SLCO1A2: variants seen among roughly 807,000 people sequenced by gnomAD.
SLCO1A2 encodes solute carrier organic anion transporter family member 1A2, also known as OATP-1.
SLCO1A2 carries 67 observed loss-of-function variants against 69.0 expected under a neutral mutation model. The ratio of observed to expected loss-of-function variants is 0.97; its 90% CI spans 0.80 to 1.19. SLCO1A2 has a LOEUF of 1.19. Ranked by LOEUF, SLCO1A2 falls within the 50% of genes most tolerant of loss-of-function variation. SLCO1A2 has a pLI of 0.00. For synonymous variants in SLCO1A2, 260 were observed against 265.9 expected (o/e 0.98, Z 0.22); for missense variants, 787 against 793.7 (o/e 0.99, Z 0.10).
chr12:21,338,601 A>C (rs957797339), upstream of SLCO1A2, among the ~76,000 whole-genome samples: 2 of 151,902 alleles, frequency 1.3e-5, no homozygotes, highest in Non-Finnish European at 2.9e-5. Context: ...TAGTCCCTTA[A>C]TGAAATCTTT....
At chr12:21,277,003 G>A (rs1002343046) in intron 12 of SLCO1A2, among the ~76,000 whole-genome samples, 2 of 152,192 alleles carry the variant, frequency 1.3e-5, no homozygotes, top group Non-Finnish European at 1.5e-5. Context: ...TTCTAGTGCT[G>A]AGCTGGGCTC....
chr12:21,419,262 G>C (rs1329843797), upstream of SLCO1A2: 2 of 158,076 alleles, frequency 1.3e-5, no homozygotes, highest in East Asian at 3.8e-4. Context: ...CTCCCAGCGT[G>C]AGCGACGCAG....
At chr12:21,280,427 C>T (rs1487937089) in intron 12 of SLCO1A2, among the ~76,000 whole-genome samples, 1 of 151,792 alleles carries the variant, frequency 6.6e-6, no homozygotes, top group Non-Finnish European at 1.5e-5. Context: ...GCAGGAGTAG[C>T]ATTACTTATA....
intron 2 of SLCO1A2, among the ~76,000 whole-genome samples, chr12:21,361,855 A>T (rs1938921266): frequency 2.0e-5 from 3 of 152,176 alleles, no homozygotes; most frequent in Non-Finnish European, 4.4e-5. Context: ...AAAAAGAGTA[A>T]AAAGAAATGA....
At chr12:21,297,322 A>C in intron 9 of SLCO1A2, 82 bp downstream of exon 9, 1 of 939,026 alleles carries the variant, frequency 1.1e-6, no homozygotes, top group Non-Finnish European at 1.5e-6. Flanking sequence ...AAAACACTTC[A>C]ACTTAGGAGT....
intron 4 of SLCO1A2, among the ~76,000 whole-genome samples, chr12:21,311,470 T>C (rs926460553): frequency 2.0e-5 from 3 of 151,934 alleles, no homozygotes; most frequent in Admixed American, 1.3e-4. Flanking sequence ...ATAATAAGAC[T>C]TGAAAGTCCA....
chr12:21,355,291 G>A (rs139221479), intron 2 of SLCO1A2, among the ~76,000 whole-genome samples: 44 of 152,224 alleles, frequency 2.9e-4, no homozygotes, highest in African/African-American at 1.0e-3. Context: ...ATTTCCTGAA[G>A]TATGGCTTTA....
intron 1 of SLCO1A2, among the ~76,000 whole-genome samples, chr12:21,415,690 G>A (rs1452231063): frequency 6.6e-6 from 1 of 151,640 alleles, no homozygotes; most frequent in African/African-American, 2.4e-5. Context: ...TATTCTCTTG[G>A]GAAGTTTTTA....
intron 2 of SLCO1A2, among the ~76,000 whole-genome samples, chr12:21,349,781 C>T (rs962344639): frequency 1.3e-5 from 2 of 152,184 alleles, no homozygotes; most frequent in African/African-American, 4.8e-5. Flanking sequence ...CCTCCTTTCC[C>T]ACCTTGGCTA....
intron 12 of SLCO1A2, among the ~76,000 whole-genome samples, chr12:21,285,779 G>A (rs1945662947): frequency 6.6e-6 from 1 of 151,592 alleles, no homozygotes. Flanking sequence ...CTCAATAGAT[G>A]CAGAAAAAGC....
chr12:21,345,966 A>G (rs1426755187), intron 2 of SLCO1A2, among the ~76,000 whole-genome samples: 1 of 152,044 alleles, frequency 6.6e-6, no homozygotes. Context: ...ATAGTCGAGT[A>G]TAAATATGTT....
In SLCO1A2 at chr12:21,334,571, A is replaced by G. The variant is rs755724729; in HGVS notation, c.60+17T>C. On this transcript the variant is annotated intron_variant, in intron 2 of 14. Coordinates refer to ENST00000683939, the MANE Select transcript of SLCO1A2 (RefSeq NM_001386879.1). The stretch of plus-strand genomic sequence containing the variant: ...CTAGTGTACATGCACATATATCCAC[A>G]TACAAAAATTCCATACCTTCAACTT... 6.3e-7 allele frequency: 1 copy of G among 1,589,186 alleles called. No homozygotes were observed. The highest frequency in any genetic ancestry group is 8.6e-7 in the Non-Finnish European group (1 of 1,160,346).
At chr12:21,405,138 T>G (rs1017574582) in intron 1 of SLCO1A2, among the ~76,000 whole-genome samples, 2 of 151,644 alleles carry the variant, frequency 1.3e-5, no homozygotes, top group African/African-American at 2.4e-5. Flanking sequence ...CTTTGTAAGA[T>G]GCATAGATTG....
chr12:21,271,774 T>A (rs1159817840), intron 14 of SLCO1A2, among the ~76,000 whole-genome samples: 1 of 148,164 alleles, frequency 6.7e-6, no homozygotes, highest in African/African-American at 2.4e-5. Context: ...CATATGTAAA[T>A]ATACATTTAT....
intron 12 of SLCO1A2, among the ~76,000 whole-genome samples, chr12:21,282,394 TAA>T (rs35461166): frequency 2.1e-5 from 3 of 146,054 alleles, no homozygotes; most frequent in Non-Finnish European, 3.0e-5. Flanking sequence ...CGCTTTATGG[TAA>T]AAAAAAAAAC....
At chr12:21,417,988 T>C (rs544359800) in exon 1 of SLCO1A2, 3 of 152,256 alleles carry the variant, frequency 2.0e-5, no homozygotes, top group Non-Finnish European at 4.4e-5. Context: ...TGGGTCTCTA[T>C]TGAGGTAGGG....
chr12:21,362,952 A>T (rs1054766243), intron 2 of SLCO1A2, among the ~76,000 whole-genome samples: 1 of 152,156 alleles, frequency 6.6e-6, no homozygotes, highest in African/African-American at 2.4e-5. Context: ...AATGGGAGAC[A>T]TTAACACCCC....
chr12:21,299,900 A>ATC (rs1948438426), intron 8 of SLCO1A2, among the ~76,000 whole-genome samples: 1 of 148,136 alleles, frequency 6.8e-6, no homozygotes, highest in African/African-American at 2.5e-5. Flanking sequence ...GTATATATAT[A>ATC]TATACGTGTG....
chr12:21,290,017 G>T (rs1224323454), intron 12 of SLCO1A2, among the ~76,000 whole-genome samples: 1 of 151,938 alleles, frequency 6.6e-6, no homozygotes, highest in Non-Finnish European at 1.5e-5. Context: ...CAGTGTGTGT[G>T]TGTGTATGTA....
Sources: gnomAD v4.1 joint callset for allele counts (sites outside exome capture counted in the v4.1 genomes callset) on GRCh38, gnomAD v4.1.1 for gene constraint, MANE v1.5 for transcripts, NCBI Gene and HGNC (gene_info 2026-07-23, HGNC 2026-07-21) for gene names.